Variants in RANBP3L observed in about 807,000 individuals in gnomAD.
The protein encoded by RANBP3L is RAN binding protein 3 like, also known as ran-binding protein 3-like.
In RANBP3L, 56 loss-of-function variants were observed where a neutral mutation model predicts 67.2. The observed-to-expected ratio is 0.83, with a 90% CI of 0.67 to 1.04. The LOEUF (loss-of-function observed/expected upper bound fraction) is 1.04, where lower values mean the gene tolerates loss of function less well. Ranked by LOEUF, RANBP3L falls within the 50% of genes least tolerant of loss-of-function variation. The pLI, the probability that RANBP3L is intolerant of heterozygous loss-of-function variation, is 0.00. For synonymous variants in RANBP3L, 164 were observed against 181.4 expected, an observed-to-expected ratio of 0.90 and a Z score of 0.77; for missense variants, 496 against 535.5, an observed-to-expected ratio of 0.93 and a Z score of 0.73.
chr5:36,272,734 T>C (rs1400694090), intron 1 of RANBP3L, among the ~76,000 whole-genome samples: 1 of 152,008 alleles, frequency 6.6e-6, no homozygotes, highest in African/African-American at 2.4e-5. Context: ...AACCTCCACC[T>C]CCCGGATTGA....
intron 1 of RANBP3L, among the ~76,000 whole-genome samples, chr5:36,276,886 C>G (rs913122732): frequency 6.6e-6 from 1 of 152,148 alleles, no homozygotes; most frequent in East Asian, 1.9e-4. Context: ...CTAGAAGTCC[C>G]CAAGTTTCTG....
At chr5:36,296,146 T>C (rs1191886704) in intron 1 of RANBP3L, among the ~76,000 whole-genome samples, 1 of 152,170 alleles carries the variant, frequency 6.6e-6, no homozygotes, top group African/African-American at 2.4e-5. Context: ...GTATACCTTA[T>C]AATGAAATGG....
intron 1 of RANBP3L, among the ~76,000 whole-genome samples, chr5:36,271,793 C>G (rs1750234096): frequency 6.6e-6 from 1 of 152,210 alleles, no homozygotes; most frequent in African/African-American, 2.4e-5. Context: ...TAGTCATACA[C>G]CACACTTTAT....
intron 8 of RANBP3L, among the ~76,000 whole-genome samples, chr5:36,259,987 A>T (rs773143259): frequency 1.3e-5 from 2 of 152,184 alleles, no homozygotes; most frequent in African/African-American, 4.8e-5. Context: ...GTAAAGCACT[A>T]TGAATTTTCT....
intron 1 of RANBP3L, among the ~76,000 whole-genome samples, chr5:36,292,609 T>G (rs1579785985): frequency 6.6e-6 from 1 of 152,150 alleles, no homozygotes; most frequent in Non-Finnish European, 1.5e-5. Flanking sequence ...AGTTTCAGCT[T>G]TCTACATATG....
At chr5:36,299,725 A>G (rs1407764029) in intron 1 of RANBP3L, among the ~76,000 whole-genome samples, 1 of 152,148 alleles carries the variant, frequency 6.6e-6, no homozygotes, top group Non-Finnish European at 1.5e-5. Context: ...TAATATATCT[A>G]ACAGTAGAGA....
intron 1 of RANBP3L, among the ~76,000 whole-genome samples, chr5:36,287,997 G>A (rs941399500): frequency 6.6e-6 from 1 of 152,186 alleles, no homozygotes; most frequent in African/African-American, 2.4e-5. Context: ...AAAATTTGGA[G>A]TCTGAGGCCT....
At chr5:36,283,215 G>A (rs1751092492) in intron 1 of RANBP3L, among the ~76,000 whole-genome samples, 1 of 151,580 alleles carries the variant, frequency 6.6e-6, no homozygotes, top group South Asian at 2.1e-4. Context: ...GTGCCACCAT[G>A]CCCAGCTAAT....
chr5:36,279,156 G>A (rs1406451512), intron 1 of RANBP3L, among the ~76,000 whole-genome samples: 3 of 152,086 alleles, frequency 2.0e-5, no homozygotes, highest in Non-Finnish European at 4.4e-5. Flanking sequence ...TCAGAATCAC[G>A]ATCTTGATTT....
At chr5:36,264,396 G>GT (rs1189606172) in intron 6 of RANBP3L, among the ~76,000 whole-genome samples, 1 of 152,180 alleles carries the variant, frequency 6.6e-6, no homozygotes, top group African/African-American at 2.4e-5. Flanking sequence ...CACGGCTTGT[G>GT]TAAGTTACTG....
chr5:36,294,284 T>C (rs1752028332), intron 1 of RANBP3L, among the ~76,000 whole-genome samples: 1 of 152,074 alleles, frequency 6.6e-6, no homozygotes, highest in South Asian at 2.1e-4. Context: ...TATTTGATTC[T>C]TCTCTCTTTT....
chr5:36,249,726 A>G (rs1051664430), intron 13 of RANBP3L, 29 bp from the exon 14 acceptor site: 4 of 1,263,642 alleles, frequency 3.2e-6, no homozygotes, highest in Non-Finnish European at 4.5e-6. Context: ...ATGTTTTATT[A>G]TACAATATTA....
Position 36,269,833 on chromosome 5 carries a change from T to G in RANBP3L, c.190+118A>C, listed in dbSNP as rs556743473. 93 of 888,318 alleles carry G rather than the reference T, an allele frequency of 1.0e-4. No homozygotes were observed. The Middle Eastern group carries it at 1.1e-3, about 11-fold the overall frequency. The allele number at this position is 888,318 out of a possible 1,614,324, so 55.0% of individuals were successfully genotyped here. ...AAACAAAAGTGAATCTACTGGCATA[T>G]TTAAAAAAAGAAAAAACATTAACTT... On this transcript the variant is annotated intron_variant, in intron 3 of 13. Transcript: ENST00000296604.
intron 8 of RANBP3L, among the ~76,000 whole-genome samples, chr5:36,259,107 G>A (rs1749191776): frequency 6.6e-6 from 1 of 152,184 alleles, no homozygotes; most frequent in Admixed American, 6.5e-5. Flanking sequence ...AAATGATATG[G>A]AATAAATGTG....
intron 1 of RANBP3L, among the ~76,000 whole-genome samples, chr5:36,300,691 A>C (rs1752551613): frequency 1.3e-5 from 2 of 152,068 alleles, no homozygotes; most frequent in Admixed American, 1.3e-4. Flanking sequence ...CATCTTGTCT[A>C]TTCATGTCAA....
In RANBP3L at chr5:36,293,902, G is replaced by T. The variant is rs1354771350; in HGVS notation, c.91+7424C>A. ...CTCTGCCCGGCTTTGGTATCAGGAT[G>T]ATGCTGGCCTCATAGAATGAGTTAT... On this transcript the variant is annotated intron_variant, in intron 1 of 13. Transcript: ENST00000296604. Among the ~76,000 whole-genome samples the T allele has an allele frequency of 4.4e-3, 658 of 148,572 alleles. 7 individuals are homozygous for T. Among genetic ancestry groups the T allele is most frequent in the African/African-American group, 0.015 (617 of 40,442 alleles).
rs1163672195 is a variant in RANBP3L, at chr5:36,261,921, A to G, written c.584+18T>C. On this transcript the variant is annotated intron_variant, in intron 7 of 13. Coordinates refer to ENST00000296604, the MANE Select transcript of RANBP3L (RefSeq NM_145000.5). ...GCAAGAATGAAAGGACAACGCTTCT[A>G]TTTTCTCATTAACTTACCCTACTGA... 1 of 1,173,792 alleles carries G rather than the reference A, an allele frequency of 8.5e-7. No individual in the cohort carries two copies. The highest frequency in any genetic ancestry group is 1.2e-6 in the Non-Finnish European group (1 of 805,356). The allele number at this position is 1,173,792 out of a possible 1,614,324, so 72.7% of individuals were successfully genotyped here.
intron 1 of RANBP3L, among the ~76,000 whole-genome samples, chr5:36,281,564 G>A (rs940862219): frequency 6.6e-6 from 1 of 152,090 alleles, no homozygotes; most frequent in African/African-American, 2.4e-5. Flanking sequence ...GACATGCCTG[G>A]GCTATGATGG....
intron 2 of RANBP3L, 21 bp from the exon 3 acceptor site, chr5:36,270,011 T>C (rs1242777164): frequency 6.2e-7 from 1 of 1,606,414 alleles, no homozygotes; most frequent in South Asian, 1.1e-5. Context: ...ACAAAACCAC[T>C]GAGGAGAGCT....
Sources: gnomAD v4.1 joint callset for allele counts (sites outside exome capture counted in the v4.1 genomes callset) on GRCh38, gnomAD v4.1.1 for gene constraint, MANE v1.5 for transcripts, NCBI Gene and HGNC (gene_info 2026-07-23, HGNC 2026-07-21) for gene names.